Variants in GPC6 observed in about 807,000 individuals in gnomAD.
GPC6 encodes glypican 6, also known as glypican-6.
Under a neutral mutation model 55.2 loss-of-function variants are expected in GPC6, and 14 were observed. That is an observed-to-expected ratio of 0.25 (90% CI 0.17 to 0.40). The LOEUF (loss-of-function observed/expected upper bound fraction) is 0.40. Among genes scored for constraint, GPC6 ranks in the 10% least tolerant of loss-of-function variants. The pLI, the probability that GPC6 is intolerant of heterozygous loss-of-function variation, is 1.00. For synonymous variants in GPC6, 278 were observed against 259.6 expected, an observed-to-expected ratio of 1.07 and a Z score of -0.68; for missense variants, 641 against 708.5, an observed-to-expected ratio of 0.90 and a Z score of 1.08.
At chr13:93,292,988 T>A (rs557331181) in intron 1 of GPC6, among the ~76,000 whole-genome samples, 2 of 152,296 alleles carry the variant, frequency 1.3e-5, no homozygotes, top group African/African-American at 4.8e-5. Context: ...AAGTTCCTTT[T>A]TTTAATTTTT....
intron 3 of GPC6, among the ~76,000 whole-genome samples, chr13:93,998,433 A>G (rs1309484355): frequency 1.3e-5 from 2 of 152,206 alleles, no homozygotes; most frequent in Non-Finnish European, 2.9e-5. Context: ...AGCAGAAAGA[A>G]GCCCAGTTCC....
At chr13:93,654,822 C>G (rs1056025884) in intron 2 of GPC6, among the ~76,000 whole-genome samples, 1 of 150,936 alleles carries the variant, frequency 6.6e-6, no homozygotes. Flanking sequence ...AATCCAAAGA[C>G]ATCAACATAA....
chr13:94,159,880 G>T (rs900949236), intron 4 of GPC6, among the ~76,000 whole-genome samples: 5 of 152,122 alleles, frequency 3.3e-5, no homozygotes, highest in African/African-American at 1.2e-4. Flanking sequence ...GACTTGCTAT[G>T]CTTGTTACAT....
At chr13:94,211,271 T>C (rs1292817291) in intron 4 of GPC6, among the ~76,000 whole-genome samples, 1 of 152,198 alleles carries the variant, frequency 6.6e-6, no homozygotes, top group East Asian at 1.9e-4. Context: ...ATGAATCTTT[T>C]GAGAAGAGCT....
At chr13:93,328,934 T>C (rs544501391) in intron 1 of GPC6, among the ~76,000 whole-genome samples, 1 of 152,250 alleles carries the variant, frequency 6.6e-6, no homozygotes, top group Admixed American at 6.5e-5. Context: ...TCCTGTCAGT[T>C]CAAGTCGTCA....
rs1594039435 is a variant in GPC6 at position 93,227,966 on chromosome 13, G to A, written c.160+350G>A. On this transcript the variant is annotated intron_variant, in intron 1 of 8. Transcript: ENST00000377047. The surrounding 1 kb of genome is among the most constrained non-coding windows in gnomAD (Gnocchi z 4.3). ...CAAGGCGCAGACGGAGAGCCGAGCC[G>A]GGCGCTCACTCCGCGTTCTGGTTCG... Among the ~76,000 whole-genome samples, 5 of 152,160 alleles carry A rather than the reference G, an allele frequency of 3.3e-5. No individual in the cohort carries two copies. The highest frequency in any genetic ancestry group is 7.2e-5 in the African/African-American group (3 of 41,466).
At chr13:93,882,421 A>C (rs1162621062) in intron 3 of GPC6, among the ~76,000 whole-genome samples, 6 of 152,104 alleles carry the variant, frequency 3.9e-5, no homozygotes, top group Non-Finnish European at 8.8e-5. Flanking sequence ...CTGGGATTAA[A>C]GGAGTGAGCC....
At chr13:93,231,384 T>C (rs192199592) in intron 1 of GPC6, among the ~76,000 whole-genome samples, 1,026 of 22,704 alleles carry the variant, frequency 0.045, 44 homozygotes, top group East Asian at 0.25. Context: ...TATATACATA[T>C]ATATATATAT....
At chr13:93,753,714 C>A (rs1478666625) in intron 2 of GPC6, among the ~76,000 whole-genome samples, 1 of 152,084 alleles carries the variant, frequency 6.6e-6, no homozygotes, top group African/African-American at 2.4e-5. Context: ...TAACCTTCCC[C>A]CAACCCCTCC....
Position 94,396,325 on chromosome 13 carries a change from TG to T in GPC6, c.1290-2136del, listed in dbSNP as rs1880895969. On this transcript the variant is annotated intron_variant, in intron 7 of 8. Coordinates refer to ENST00000377047, the MANE Select transcript of GPC6 (RefSeq NM_005708.5). ...AGAAAAACGCACCCAGATGGGTGCA[TG>T]GGGGTTCATTATGTTATTGTCTTTA... is the stretch of plus-strand genomic sequence containing the variant. 3.3e-5 allele frequency among the ~76,000 whole-genome samples: 5 copies of T among 152,182 alleles called. No individual in the cohort carries two copies. In the South Asian group the frequency reaches 1.0e-3, roughly 32 times the overall value.
At chr13:93,457,533 ACTT>A (rs576740951) in intron 1 of GPC6, among the ~76,000 whole-genome samples, 412 of 152,300 alleles carry the variant, frequency 2.7e-3, no homozygotes, top group African/African-American at 9.3e-3. Context: ...GGTTCTTGGT[ACTT>A]CTTCTATCAT....
Position 93,983,718 on chromosome 13 carries a change from C to T in GPC6, c.712-44011C>T, listed in dbSNP as rs563097399. 4.4e-4 allele frequency among the ~76,000 whole-genome samples: 67 copies of T among 151,764 alleles called. 2 individuals are homozygous for T. In the South Asian group the frequency reaches 0.014, roughly 32 times the overall value. ...CAGACAGACAGAGAACTATTCAAAA[C>T]TCCAAACTTCCAATATTGAACATCT... On this transcript the variant is annotated intron_variant, in intron 3 of 8. Transcript: ENST00000377047.
At chr13:93,245,837 G>A (rs560629088) in intron 1 of GPC6, among the ~76,000 whole-genome samples, 2 of 152,312 alleles carry the variant, frequency 1.3e-5, no homozygotes, top group East Asian at 3.9e-4. Flanking sequence ...GGGGACTAAG[G>A]AAAAGAGCAG....
intron 4 of GPC6, among the ~76,000 whole-genome samples, chr13:94,223,429 G>A (rs1890448138): frequency 6.6e-6 from 1 of 152,098 alleles, no homozygotes; most frequent in East Asian, 1.9e-4. Context: ...ATATCATTGT[G>A]CTCATTTTAC....
At chr13:94,045,132 T>C (rs1883684860) in intron 4 of GPC6, among the ~76,000 whole-genome samples, 1 of 151,844 alleles carries the variant, frequency 6.6e-6, no homozygotes, top group African/African-American at 2.4e-5. Context: ...TGGACTCCAT[T>C]ACAAATGTCT....
chr13:93,881,166 G>A (rs1874950854), intron 3 of GPC6, among the ~76,000 whole-genome samples: 1 of 152,096 alleles, frequency 6.6e-6, no homozygotes, highest in South Asian at 2.1e-4. Context: ...TGTGAGTAGA[G>A]CTGGTGTGGG....
chr13:93,962,429 T>A (rs9561481), intron 3 of GPC6, among the ~76,000 whole-genome samples: 54,611 of 151,688 alleles, frequency 0.36, 12,699 homozygotes, highest in Non-Finnish European at 0.52. Context: ...ATATATATAT[T>A]TTTTTTCTTT....
chr13:93,770,062 C>G (rs1002133748), intron 2 of GPC6, among the ~76,000 whole-genome samples: 2 of 152,116 alleles, frequency 1.3e-5, no homozygotes, highest in African/African-American at 2.4e-5. Context: ...CATTTAGTTA[C>G]CCTATTTAGG....
chr13:93,744,528 C>CTTTTTTTTTTTTTTTTTTTTTTT (rs71736430), intron 2 of GPC6, among the ~76,000 whole-genome samples: 1 of 97,208 alleles, frequency 1.0e-5, no homozygotes, highest in African/African-American at 4.5e-5. Context: ...TTTCCCTAGT[C>CTTTTTTTTTTTTTTTTTTTTTTT]TTTTTTTTTT....
Sources: gnomAD v4.1 joint callset for allele counts (sites outside exome capture counted in the v4.1 genomes callset) on GRCh38, gnomAD v4.1.1 for gene constraint, Gnocchi (gnomAD v3.1) non-coding constraint, MANE v1.5 for transcripts, NCBI Gene and HGNC (gene_info 2026-07-23, HGNC 2026-07-21) for gene names.